Variants in CREB3L1 observed in about 807,000 individuals in gnomAD.
The protein encoded by CREB3L1 is cAMP responsive element binding protein 3 like 1.
A neutral mutation model predicts 54.5 loss-of-function variants in CREB3L1; 33 were observed. That is an observed-to-expected ratio of 0.61 (90% CI 0.46 to 0.81). CREB3L1 has a LOEUF of 0.81. Among genes scored for constraint, CREB3L1 ranks in the 30% least tolerant of loss-of-function variants. The pLI is 0.00. For synonymous variants in CREB3L1, 284 were observed against 286.4 expected (o/e 0.99, Z 0.08); for missense variants, 656 against 673.3 (o/e 0.97, Z 0.29).
chr11:46,286,044 C>A (rs1939051520), intron 1 of CREB3L1, among the ~76,000 whole-genome samples: 1 of 152,254 alleles, frequency 6.6e-6, no homozygotes, highest in Non-Finnish European at 1.5e-5. Context: ...GGGCAAATCA[C>A]TTTCCCTTTC....
intron 3 of CREB3L1, among the ~76,000 whole-genome samples, chr11:46,309,560 C>T (rs1939453868): frequency 6.6e-6 from 1 of 152,216 alleles, no homozygotes; most frequent in African/African-American, 2.4e-5. Flanking sequence ...ACTTTGACTT[C>T]TCAGGGAGCA....
chr11:46,312,667 A>G lies in CREB3L1; in HGVS notation c.959A>G (p.Lys320Arg). The change falls in exon 7 of 12, where the codon AAG becomes AGG. Residue 320 changes from lysine (K) to arginine (R), a missense_variant. Lys to Arg is a conservative substitution (Grantham distance 26). This residue lies in a region of CREB3L1 where 77 missense variants were observed against 122.0 expected (regional missense o/e 0.63). Coordinates refer to ENST00000621158, the MANE Select transcript of CREB3L1 (RefSeq NM_052854.4). ...AAGGAGTATGTGGAGTGTCTAGAAA[A>G]GAAGTAAGGGGCTTGGGAGGGGTGG... ...KKKEYVECLE[K>R]KVETFTSENN... 6.2e-7 allele frequency: 1 copy of G among 1,608,288 alleles called. No homozygotes were observed. Among genetic ancestry groups the G allele is most frequent in the Non-Finnish European group, 8.5e-7 (1 of 1,176,918 alleles).
rs112891701 is a variant in CREB3L1, at chr11:46,321,303, C to A, written c.*557C>A. ...GGGACTACCTGACCCTCACCTGGCA[C>A]CCCCCTGCTGCTGCCCAAGCCGCTG... On this transcript the variant is annotated 3_prime_UTR_variant, in exon 12 of 12. Transcript: ENST00000621158. 3.2e-3 allele frequency: 812 copies of A among 252,570 alleles called. 5 individuals carry two copies. The highest frequency in any genetic ancestry group is 9.3e-3 in the African/African-American group (432 of 46,386). 15.6% of individuals were successfully genotyped at this position (252,570 alleles called of 1,614,324 possible).
intron 3 of CREB3L1, among the ~76,000 whole-genome samples, chr11:46,309,036 C>T (rs767328210): frequency 1.3e-5 from 2 of 152,222 alleles, no homozygotes; most frequent in Non-Finnish European, 2.9e-5. Context: ...ATTCGGCCTG[C>T]CAGACCCTGA....
intron 1 of CREB3L1, among the ~76,000 whole-genome samples, chr11:46,292,819 G>A (rs145200785): frequency 2.3e-4 from 35 of 151,816 alleles, no homozygotes; most frequent in South Asian, 1.2e-3. Flanking sequence ...ATGGGATCTC[G>A]CTATGTTGCC....
Position 46,307,753 on chromosome 11 carries a change from G to C in CREB3L1, c.332-63G>C. 9 of 1,396,494 alleles carry C rather than the reference G, an allele frequency of 6.4e-6. No homozygotes were observed. The South Asian group carries it at 1.0e-4, about 16-fold the overall frequency. The allele number at this position is 1,396,494 out of a possible 1,614,324, so 86.5% of individuals were successfully genotyped here. On this transcript the variant is annotated intron_variant, in intron 2 of 11. Transcript: ENST00000621158. The stretch of plus-strand genomic sequence containing the variant: ...TCAGTTCAGCCTAGGGTAGCTCCCA[G>C]GGGGCAGGCAGGGGGCTGAGACCTC...
chr11:46,300,602 C>T (rs1322410713), intron 2 of CREB3L1, among the ~76,000 whole-genome samples: 1 of 152,198 alleles, frequency 6.6e-6, no homozygotes, highest in African/African-American at 2.4e-5. Context: ...GGTGTGGTGG[C>T]TCACGCTTGT....
At chr11:46,305,294 A>G (rs1005055325) in intron 2 of CREB3L1, among the ~76,000 whole-genome samples, 9 of 152,082 alleles carry the variant, frequency 5.9e-5, no homozygotes, top group Non-Finnish European at 1.2e-4. Flanking sequence ...GGTGGGCAGG[A>G]GGTGGGTTCT....
At chr11:46,291,213 G>A (rs996264731) in intron 1 of CREB3L1, among the ~76,000 whole-genome samples, 32 of 152,170 alleles carry the variant, frequency 2.1e-4, no homozygotes, top group African/African-American at 6.5e-4. Context: ...CTCTGGAAAC[G>A]GCTGCTTACC....
intron 1 of CREB3L1, among the ~76,000 whole-genome samples, chr11:46,282,565 T>C (rs1455081600): frequency 6.6e-6 from 1 of 152,206 alleles, no homozygotes; most frequent in Non-Finnish European, 1.5e-5. Flanking sequence ...GTTCCTGTCA[T>C]CTGGACTGCT....
Position 46,312,343 on chromosome 11 carries a change from G to C in CREB3L1, c.772G>C (p.Gly258Arg). ...CCTACAGAAATTACAGGGGACATCA[G>C]GGCCACTGCTCCTGACAGAGGAGGA... ...TAPHKLQGTS[G>R]PLLLTEEEKR... The change falls in exon 6 of 12, where the codon GGG (glycine) becomes CGG (arginine). Residue 258 changes from glycine to arginine, a missense_variant. Around this residue, in one of 3 missense-constraint regions of CREB3L1, gnomAD observed 77 missense variants for 122.0 expected, o/e 0.63. Transcript: ENST00000621158. The C allele has an allele frequency of 6.2e-7, 1 of 1,605,888 alleles. No individual in the cohort carries two copies. The highest frequency in any genetic ancestry group is 8.5e-7 in the Non-Finnish European group (1 of 1,176,180).
chr11:46,287,532 C>A, intron 1 of CREB3L1, among the ~76,000 whole-genome samples: 1 of 152,046 alleles, frequency 6.6e-6, no homozygotes, highest in Non-Finnish European at 1.5e-5. Context: ...AACTCCTGAG[C>A]TCAAGCGATC....
At chr11:46,310,359 C>G (rs1566190451) in intron 4 of CREB3L1, among the ~76,000 whole-genome samples, 1 of 152,148 alleles carries the variant, frequency 6.6e-6, no homozygotes, top group Non-Finnish European at 1.5e-5. Context: ...CCTCCCCATC[C>G]CAGGTTCAAG....
chr11:46,286,956 G>C (rs1373325945), intron 1 of CREB3L1, among the ~76,000 whole-genome samples: 1 of 152,210 alleles, frequency 6.6e-6, no homozygotes, highest in Non-Finnish European at 1.5e-5. Flanking sequence ...ATTTTAAACA[G>C]GAAAGTCCCA....
At chr11:46,311,680 T>A (rs1019617351) in intron 5 of CREB3L1, among the ~76,000 whole-genome samples, 1 of 152,158 alleles carries the variant, frequency 6.6e-6, no homozygotes, top group Admixed American at 6.5e-5. Context: ...GTACTTTTAG[T>A]AGAGACAGCA....
At chr11:46,279,203 A>T (rs1938931581) in intron 1 of CREB3L1, among the ~76,000 whole-genome samples, 1 of 152,020 alleles carries the variant, frequency 6.6e-6, no homozygotes, top group African/African-American at 2.4e-5. Flanking sequence ...GTGATCAAGC[A>T]CTTGAGACTC....
chr11:46,294,839 G>A (rs1366483253), intron 1 of CREB3L1, among the ~76,000 whole-genome samples: 1 of 151,900 alleles, frequency 6.6e-6, no homozygotes, highest in African/African-American at 2.4e-5. Flanking sequence ...GCATGGGTCA[G>A]TGTGTGTTGG....
At chr11:46,287,705 C>T (rs952746435) in intron 1 of CREB3L1, among the ~76,000 whole-genome samples, 1 of 151,980 alleles carries the variant, frequency 6.6e-6, no homozygotes, top group Non-Finnish European at 1.5e-5. Flanking sequence ...GGGACAGGTG[C>T]GGTGGTTCAC....
intron 2 of CREB3L1, among the ~76,000 whole-genome samples, chr11:46,303,713 T>A (rs1003005131): frequency 6.7e-6 from 1 of 149,004 alleles, no homozygotes; most frequent in Admixed American, 6.7e-5. Context: ...ATGAATACTA[T>A]GGGTGGGCCA....
Sources: gnomAD v4.1 joint callset for allele counts (sites outside exome capture counted in the v4.1 genomes callset) on GRCh38, gnomAD v4.1.1 for gene constraint, gnomAD v4.1.1 regional missense constraint, MANE v1.5 for transcripts, NCBI Gene and HGNC (gene_info 2026-07-23, HGNC 2026-07-21) for gene names.